The following SP140 variants were observed in gnomAD, a reference collection of about 807,000 sequenced individuals.
SP140 encodes SP140 nuclear body protein, also known as nuclear body protein SP140.
A neutral mutation model predicts 125.0 loss-of-function variants in SP140; 81 were observed. The observed-to-expected ratio is 0.65, with a 90% CI of 0.54 to 0.78. The LOEUF is 0.78. Among genes scored for constraint, SP140 ranks in the 30% least tolerant of loss-of-function variants. SP140 has a pLI of 0.00. For missense variants in SP140, 858 were observed against 1,037.0 expected, an observed-to-expected ratio of 0.83 and a Z score of 2.37; for synonymous variants, 312 against 354.0, an observed-to-expected ratio of 0.88 and a Z score of 1.33.
chr2:230,260,781 G>A (rs55760614), intron 12 of SP140, among the ~76,000 whole-genome samples: 34,893 of 152,004 alleles, frequency 0.23, 4,540 homozygotes, highest in African/African-American at 0.35. Flanking sequence ...TGGGTTCTCT[G>A]TTCTGTTTCA....
Position 230,287,144 on chromosome 2 carries a change from T to C in SP140, c.1646-748T>C, listed in dbSNP as rs545879477. Reference sequence around the variant, plus strand: ...CAGTGTCTGCCATGTCAATCCTTAATTACTATTTGGAATGAAGGCTGCGGA... The same window carrying C: ...CAGTGTCTGCCATGTCAATCCTTAACTACTATTTGGAATGAAGGCTGCGGA... On this transcript the variant is annotated intron_variant, in intron 17 of 26. Transcript: ENST00000392045. 1.1e-3 allele frequency among the ~76,000 whole-genome samples: 161 copies of C among 152,332 alleles called. 1 individual carries two copies. Among genetic ancestry groups the C allele is most frequent in the African/African-American group, 3.8e-3 (156 of 41,570 alleles).
chr2:230,230,872 T>C (rs79009192), intron 1 of SP140, among the ~76,000 whole-genome samples: 2,198 of 152,358 alleles, frequency 0.014, 44 homozygotes, highest in African/African-American at 0.04. Flanking sequence ...CCTTCTCGTA[T>C]TCCAATTACA....
chr2:230,214,957 G>A (rs1368025095), intron 3 of SP140: 2 of 1,613,918 alleles, frequency 1.2e-6, no homozygotes, highest in Admixed American at 1.7e-5. Context: ...TACCACGTTT[G>A]AAGCTTCTGT....
upstream of SP140, chr2:230,221,916 G>T (rs58102716): frequency 8.5e-3 from 5,034 of 592,430 alleles, 191 homozygotes; most frequent in African/African-American, 0.085. Flanking sequence ...GAGGATGAAA[G>T]ATGTTTATTC....
intron 1 of SP140, chr2:230,212,549 G>A: frequency 9.5e-7 from 1 of 1,051,844 alleles, no homozygotes; most frequent in Non-Finnish European, 1.5e-6. Flanking sequence ...GGGTTGGAAT[G>A]TCCCGGGAGT....
intron 14 of SP140, 60 bp downstream of exon 14, chr2:230,270,013 T>C: frequency 2.7e-6 from 3 of 1,099,536 alleles, no homozygotes; most frequent in Non-Finnish European, 4.2e-6. Context: ...AGACCCCCAG[T>C]AGGGTGGAGG....
chr2:230,234,156 G>T (rs2047644634), intron 1 of SP140, among the ~76,000 whole-genome samples: 1 of 152,186 alleles, frequency 6.6e-6, no homozygotes, highest in Admixed American at 6.5e-5. Flanking sequence ...TAAAAATGGA[G>T]TAGGGTGATC....
At chr2:230,219,183 C>G (rs573348113) in intron 3 of SP140, among the ~76,000 whole-genome samples, 10 of 152,318 alleles carry the variant, frequency 6.6e-5, no homozygotes, top group African/African-American at 2.4e-4. Context: ...TGAGATGGTG[C>G]CATTGCACTC....
At chr2:230,249,185 G>T (rs1184468306) in intron 9 of SP140, among the ~76,000 whole-genome samples, 1 of 152,174 alleles carries the variant, frequency 6.6e-6, no homozygotes, top group East Asian at 1.9e-4. Context: ...CCATATTTCT[G>T]CATGGGGAAT....
intron 1 of SP140, among the ~76,000 whole-genome samples, chr2:230,236,033 T>C (rs2047957021): frequency 6.6e-6 from 1 of 152,034 alleles, no homozygotes; most frequent in Admixed American, 6.6e-5. Context: ...CCTGCCACCA[T>C]GCCCGGCTAA....
chr2:230,283,978 A>G (rs985444197), intron 15 of SP140, among the ~76,000 whole-genome samples: 1 of 152,224 alleles, frequency 6.6e-6, no homozygotes, highest in African/African-American at 2.4e-5. Flanking sequence ...CCATAACACC[A>G]TCAACCTCAA....
At chr2:230,288,457 C>G (rs146356665) in intron 18 of SP140, among the ~76,000 whole-genome samples, 8 of 32,152 alleles carry the variant, frequency 2.5e-4, no homozygotes, top group African/African-American at 1.0e-3. Context: ...GGCCAACTAT[C>G]TTTCTTTCTT....
At chr2:230,284,470 T>C (rs999397049) in intron 16 of SP140, 59 bp downstream of exon 16, 44 of 1,453,774 alleles carry the variant, frequency 3.0e-5, no homozygotes, top group Non-Finnish European at 4.0e-5. Context: ...CTGTCCATTG[T>C]ATTCTGGAAG....
intron 4 of SP140, 65 bp downstream of exon 4, chr2:230,241,552 A>AGG: frequency 3.2e-6 from 3 of 926,262 alleles, no homozygotes; most frequent in Non-Finnish European, 5.4e-6. Context: ...CATGGAGGCA[A>AGG]ATCTTGTATT....
chr2:230,262,299 T>C (rs2052397766), intron 12 of SP140, among the ~76,000 whole-genome samples: 1 of 152,332 alleles, frequency 6.6e-6, no homozygotes, highest in Non-Finnish European at 1.5e-5. Flanking sequence ...TTGTAGTATT[T>C]CCTGTTTCAT....
At chr2:230,187,352 T>A in the SP140 span, among the ~76,000 whole-genome samples, 94 of 152,336 alleles carry the variant, frequency 6.2e-4, no homozygotes, top group African/African-American at 2.2e-3. Context: ...TGGGATTTTT[T>A]TCTATAATGT....
At chr2:230,265,790 CGGG>C (rs34044277) in intron 12 of SP140, among the ~76,000 whole-genome samples, 16 of 142,634 alleles carry the variant, frequency 1.1e-4, no homozygotes, top group African/African-American at 3.6e-4. Context: ...CTCAGTTTTA[CGGG>C]GGGGGGCGGT....
chr2:230,191,940 A>G, the SP140 span, among the ~76,000 whole-genome samples: 1 of 152,222 alleles, frequency 6.6e-6, no homozygotes, highest in Non-Finnish European at 1.5e-5. Flanking sequence ...ATTCACCATG[A>G]TCAAGTCGGT....
chr2:230,249,637 G>A (rs1416827419), intron 9 of SP140, among the ~76,000 whole-genome samples: 1 of 152,090 alleles, frequency 6.6e-6, no homozygotes, highest in Non-Finnish European at 1.5e-5. Context: ...AGAGAAAATT[G>A]TACAAATGGT....
Sources: allele counts gnomAD v4.1 joint callset (sites outside exome capture counted in the v4.1 genomes callset), GRCh38; gene constraint gnomAD v4.1.1; transcripts MANE v1.5; gene names NCBI Gene and HGNC (gene_info 2026-07-23, HGNC 2026-07-21).